Variants in DLG2 observed in about 807,000 individuals in gnomAD.
DLG2 encodes discs large MAGUK scaffold protein 2, also known as disks large homolog 2.
A neutral mutation model predicts 132.5 loss-of-function variants in DLG2; 45 were observed. The ratio of observed to expected loss-of-function variants is 0.34; its 90% CI spans 0.27 to 0.44. The LOEUF (loss-of-function observed/expected upper bound fraction) is 0.44, where lower values mean the gene tolerates loss of function less well. Among genes scored for constraint, DLG2 ranks in the 20% least tolerant of loss-of-function variants. The pLI, the probability that DLG2 is intolerant of heterozygous loss-of-function variation, is 1.00. For missense variants in DLG2, 1,045 were observed against 1,196.9 expected, an observed-to-expected ratio of 0.87 and a Z score of 1.87; for synonymous variants, 424 against 419.6, an observed-to-expected ratio of 1.01 and a Z score of -0.13.
intron 6 of DLG2, among the ~76,000 whole-genome samples, chr11:84,555,542 T>C (rs1464074792): frequency 2.6e-5 from 4 of 152,202 alleles, no homozygotes; most frequent in Non-Finnish European, 5.9e-5. Flanking sequence ...GACATTATGC[T>C]AAGTGAAATA....
intron 3 of DLG2, among the ~76,000 whole-genome samples, chr11:85,403,758 TG>T (rs984470192): frequency 6.6e-6 from 1 of 151,972 alleles, no homozygotes; most frequent in African/African-American, 2.4e-5. Flanking sequence ...AAGATGCCTC[TG>T]GTAGATATGT....
At chr11:85,386,415 G>T (rs1281932840) in intron 3 of DLG2, among the ~76,000 whole-genome samples, 1 of 152,118 alleles carries the variant, frequency 6.6e-6, no homozygotes, top group Non-Finnish European at 1.5e-5. Flanking sequence ...CCTACCTCCA[G>T]AGACAACATT....
intron 3 of DLG2, among the ~76,000 whole-genome samples, chr11:85,545,699 T>C (rs993780017): frequency 1.3e-5 from 2 of 152,214 alleles, no homozygotes; most frequent in African/African-American, 4.8e-5. Context: ...ATTCAACTTC[T>C]TCCTGGTTTA....
chr11:85,077,810 A>G (rs2066744495), intron 6 of DLG2, among the ~76,000 whole-genome samples: 1 of 152,018 alleles, frequency 6.6e-6, no homozygotes, highest in African/African-American at 2.4e-5. Flanking sequence ...CTTGGCTTAC[A>G]GTTTCCATTT....
intron 7 of DLG2, among the ~76,000 whole-genome samples, chr11:84,458,585 A>C (rs984296672): frequency 6.6e-6 from 1 of 150,768 alleles, no homozygotes; most frequent in African/African-American, 2.4e-5. Flanking sequence ...GTGATTTTTG[A>C]ATTGATCTGT....
chr11:83,897,869 G>A (rs1774167322), intron 15 of DLG2, among the ~76,000 whole-genome samples: 1 of 152,086 alleles, frequency 6.6e-6, no homozygotes, highest in African/African-American at 2.4e-5. Flanking sequence ...TTTGTTAATT[G>A]CTTTATACAC....
At chr11:83,783,706 T>C (rs967638201) in intron 18 of DLG2, among the ~76,000 whole-genome samples, 1 of 152,152 alleles carries the variant, frequency 6.6e-6, no homozygotes, top group Non-Finnish European at 1.5e-5. Flanking sequence ...CACAATTTTG[T>C]AGTTTAGCAA....
intron 6 of DLG2, among the ~76,000 whole-genome samples, chr11:84,817,382 C>T (rs774248479): frequency 4.6e-5 from 7 of 151,872 alleles, no homozygotes; most frequent in Non-Finnish European, 1.0e-4. Flanking sequence ...AAAAAGCAGC[C>T]CCTTTAGGCT....
At chr11:83,842,947 C>T (rs996209888) in intron 16 of DLG2, among the ~76,000 whole-genome samples, 4 of 152,088 alleles carry the variant, frequency 2.6e-5, no homozygotes, top group Non-Finnish European at 5.9e-5. Context: ...CCTACAACCT[C>T]CATGGTGAGA....
At position 84,578,540 on chromosome 11, in the gene DLG2, C is replaced by T. The variant is rs377623120; in HGVS notation, c.358-43809G>A. Among the ~76,000 whole-genome samples, 21 of 152,282 alleles carry T rather than the reference C, an allele frequency of 1.4e-4. No individual in the cohort carries two copies. The South Asian group carries it at 2.1e-3, about 15-fold the overall frequency. On this transcript the variant is annotated intron_variant, in intron 6 of 27. Coordinates refer to ENST00000376104, the MANE Select transcript of DLG2 (RefSeq NM_001142699.3). The stretch of plus-strand genomic sequence containing the variant: ...ACTGCCCCACTGGATTTTGGATTTG[C>T]ATGGGCCCTGTAACCCCTTTGTTTT...
At chr11:84,399,134 C>A (rs1382840725) in intron 7 of DLG2, among the ~76,000 whole-genome samples, 3 of 152,088 alleles carry the variant, frequency 2.0e-5, no homozygotes, top group African/African-American at 7.2e-5. Flanking sequence ...ATATCAGAAA[C>A]TTCTTAAGAC....
At chr11:84,152,585 T>C (rs190032981) in intron 9 of DLG2, among the ~76,000 whole-genome samples, 3,249 of 151,960 alleles carry the variant, frequency 0.021, 99 homozygotes, top group African/African-American at 0.073. Context: ...ATGGGGTTTC[T>C]CCATGTTAGC....
intron 6 of DLG2, among the ~76,000 whole-genome samples, chr11:84,613,795 C>T (rs1423826174): frequency 2.0e-5 from 3 of 152,162 alleles, no homozygotes; most frequent in African/African-American, 4.8e-5. Flanking sequence ...TTAAACCTTA[C>T]AATGGAGATT....
Position 84,502,412 on chromosome 11 carries a change from T to TTCCTC in DLG2, c.519+32157_519+32158insGAGGA, listed in dbSNP as rs1567807633. On this transcript the variant is annotated intron_variant, in intron 7 of 27. Coordinates refer to ENST00000376104, the MANE Select transcript of DLG2 (RefSeq NM_001142699.3). ...TTTCTTTCTTTCTTTCTTTCTTTCT[T>TTCCTC]TCTATACAGAGTCTCATGCTGTCAC... Among the ~76,000 whole-genome samples the TTCCTC allele has an allele frequency of 1.5e-3, 174 of 115,610 alleles. 31 individuals carry two copies. The highest frequency in any genetic ancestry group is 6.2e-3 in the African/African-American group (160 of 25,926). 75.8% of individuals were successfully genotyped at this position (115,610 alleles called of 152,430 possible). A position where few individuals can be genotyped will look rare whatever the true frequency, so the allele number is the denominator to read the frequency against.
At chr11:83,989,515 C>A (rs2093580418) in intron 11 of DLG2, among the ~76,000 whole-genome samples, 1 of 152,180 alleles carries the variant, frequency 6.6e-6, no homozygotes, top group Non-Finnish European at 1.5e-5. Flanking sequence ...GTGAGGGAAG[C>A]ATGACTTACT....
intron 9 of DLG2, among the ~76,000 whole-genome samples, chr11:84,133,463 A>G (rs752177969): frequency 1.3e-5 from 2 of 152,070 alleles, no homozygotes; most frequent in Admixed American, 6.6e-5. Context: ...GGATTATTTT[A>G]TTTAAAGCAT....
At chr11:83,957,618 A>G (rs1484888069) in intron 14 of DLG2, among the ~76,000 whole-genome samples, 2 of 150,592 alleles carry the variant, frequency 1.3e-5, no homozygotes, top group Non-Finnish European at 3.0e-5. Flanking sequence ...TCTTCAATGA[A>G]TTCTCAATGA....
intron 6 of DLG2, among the ~76,000 whole-genome samples, chr11:85,052,923 T>C (rs1189793711): frequency 1.3e-5 from 2 of 152,192 alleles, no homozygotes; most frequent in South Asian, 2.1e-4. Context: ...TCACTGTTCC[T>C]AGCTAAAGCC....
At chr11:85,167,113 C>T (rs1167090924) in intron 4 of DLG2, among the ~76,000 whole-genome samples, 1 of 151,992 alleles carries the variant, frequency 6.6e-6, no homozygotes, top group African/African-American at 2.4e-5. Context: ...TTGCAGGAAC[C>T]AAAAGCCATA....
Sources: allele counts gnomAD v4.1 joint callset (sites outside exome capture counted in the v4.1 genomes callset), GRCh38; gene constraint gnomAD v4.1.1; transcripts MANE v1.5; gene names NCBI Gene and HGNC (gene_info 2026-07-23, HGNC 2026-07-21).